The following ALPL variants were observed in gnomAD, a reference collection of about 807,000 sequenced individuals.
ALPL encodes alkaline phosphatase, biomineralization associated.
A neutral mutation model predicts 51.3 loss-of-function variants in ALPL; 42 were observed. That is an observed-to-expected ratio of 0.82 (90% CI 0.64 to 1.06). The LOEUF is 1.06. ALPL is among the 50% of genes least tolerant of loss of function. The pLI, the probability that ALPL is intolerant of heterozygous loss-of-function variation, is 0.00. For missense variants in ALPL, 589 were observed against 709.4 expected, an observed-to-expected ratio of 0.83 and a Z score of 1.93; for synonymous variants, 279 against 296.4, an observed-to-expected ratio of 0.94 and a Z score of 0.60.
At chr1:21,572,429 G>C (rs1171789142) in intron 8 of ALPL, among the ~76,000 whole-genome samples, 1 of 152,122 alleles carries the variant, frequency 6.6e-6, no homozygotes, top group Non-Finnish European at 1.5e-5. Context: ...AGATCCAAGA[G>C]TATATAAACA....
intron 6 of ALPL, among the ~76,000 whole-genome samples, chr1:21,566,084 T>C (rs868092015): frequency 8.6e-5 from 13 of 151,962 alleles, no homozygotes; most frequent in African/African-American, 3.1e-4. Context: ...TTCTCCTTCT[T>C]CTCCCAGCCC....
At chr1:21,551,598 C>G (rs1249470649) in intron 1 of ALPL, among the ~76,000 whole-genome samples, 1 of 151,906 alleles carries the variant, frequency 6.6e-6, no homozygotes, top group Non-Finnish European at 1.5e-5. Context: ...TTCTACCACT[C>G]ACAGTTAAGT....
In ALPL at chr1:21,560,563, T is replaced by G. The variant is rs111273276; in HGVS notation, c.62-63T>G. On this transcript the variant is annotated intron_variant, in intron 2 of 11. Transcript: ENST00000374840. ...CTGAGCAATCAGAAGTGGGGGGATC[T>G]GTACGTCTGGAGATAGGAGGCTATC... is the stretch of plus-strand genomic sequence containing the variant. The G allele has an allele frequency of 1.5e-3, 2,381 of 1,598,286 alleles. 38 individuals are homozygous for G. The African/African-American group carries it at 0.028, about 19-fold the overall frequency.
intron 7 of ALPL, among the ~76,000 whole-genome samples, chr1:21,570,069 G>C (rs1007854999): frequency 1.3e-5 from 2 of 152,166 alleles, no homozygotes; most frequent in African/African-American, 4.8e-5. Context: ...CCCTGGTCCT[G>C]TGTCTGGGCT....
chr1:21,524,990 C>G (rs1184152635), intron 1 of ALPL, among the ~76,000 whole-genome samples: 3 of 152,234 alleles, frequency 2.0e-5, no homozygotes, highest in African/African-American at 4.8e-5. Flanking sequence ...GGCCTCACTC[C>G]AGGGCTCTGG....
At chr1:21,537,042 G>A (rs935670649) in intron 1 of ALPL, among the ~76,000 whole-genome samples, 1 of 151,834 alleles carries the variant, frequency 6.6e-6, no homozygotes, top group Non-Finnish European at 1.5e-5. Context: ...GATTATTGGC[G>A]CCCGCCACCA....
chr1:21,518,272 T>C (rs953087753), intron 1 of ALPL, among the ~76,000 whole-genome samples: 2 of 152,056 alleles, frequency 1.3e-5, no homozygotes, highest in African/African-American at 4.8e-5. Flanking sequence ...TCTCCACCCT[T>C]TGTAATAACA....
Position 21,554,811 on chromosome 1 carries a change from GTCTGTCTTTCTTTCTT to G in ALPL, c.61+673_61+688del, listed in dbSNP as rs1308018046. Among the ~76,000 whole-genome samples, 248 of 48,332 alleles carry G rather than the reference GTCTGTCTTTCTTTCTT, an allele frequency of 5.1e-3. 1 individual carries two copies. Among genetic ancestry groups the G allele is most frequent in the African/African-American group, 0.014 (224 of 15,530 alleles). The allele number at this position is 48,332 out of a possible 152,430, so 31.7% of individuals were successfully genotyped here. On this transcript the variant is annotated intron_variant, in intron 2 of 11. Transcript: ENST00000374840. The stretch of plus-strand genomic sequence containing the variant: ...GGCCTGTCTGTCTGTCTGTCTGTCT[GTCTGTCTTTCTTTCTT>G]TCTTTCTTTCTTTCTTTCTTTCTTT...
chr1:21,554,873 C>CTG lies in ALPL; in HGVS notation c.61+732_61+733insGT, dbSNP rs1478489284. ...TCTTTCTTTCTTTCTTTCTTTCTTT[C>CTG]TCTCTTTCTTTCTTTTTCTTTCTTT... is the stretch of plus-strand genomic sequence containing the variant. On this transcript the variant is annotated intron_variant, in intron 2 of 11. Transcript: ENST00000374840. 2.8e-5 allele frequency among the ~76,000 whole-genome samples: 3 copies of CTG among 105,872 alleles called. No homozygotes were observed. The East Asian group carries it at 2.2e-3, about 76-fold the overall frequency. 69.5% of individuals were successfully genotyped at this position (105,872 alleles called of 152,430 possible).
intron 1 of ALPL, among the ~76,000 whole-genome samples, chr1:21,528,077 G>A (rs1341665071): frequency 5.3e-5 from 8 of 151,242 alleles, no homozygotes; most frequent in Non-Finnish European, 8.8e-5. Context: ...CTGGAGTGTA[G>A]TGGCACGATC....
rs121918010 is a variant in ALPL at position 21,573,781 on chromosome 1, T to C, written c.979T>C (p.Phe327Leu). ...IQILRKNPKG[F>L]FLLVEGGRID... is the part of the protein sequence containing the mutation. The stretch of plus-strand genomic sequence containing the variant: ...GATCCTGCGGAAGAACCCCAAAGGC[T>C]TCTTCTTGCTGGTGGAAGGTAGGGA... The change falls in exon 9 of 12, where the codon TTC becomes CTC. Residue 327 changes from phenylalanine to leucine, a missense_variant. By Grantham distance (22) the Phe-to-Leu change is conservative. Transcript: ENST00000374840. The C allele has an allele frequency of 5.0e-5, 80 of 1,613,932 alleles. No individual in the cohort carries two copies. In the East Asian group the frequency reaches 1.7e-3, roughly 35 times the overall value.
rs1486339392 is a variant in ALPL at position 21,554,038 on chromosome 1, T to A, written c.-44T>A. 1.3e-6 allele frequency: 2 copies of A among 1,532,008 alleles called. No homozygotes were observed. Among genetic ancestry groups the A allele is most frequent in the South Asian group, 2.2e-5 (2 of 89,526 alleles). The allele number at this position is 1,532,008 out of a possible 1,614,324, so 94.9% of individuals were successfully genotyped here. A position where few individuals can be genotyped will look rare whatever the true frequency, so the allele number is the denominator to read the frequency against. On this transcript the variant is annotated 5_prime_UTR_variant, in exon 2 of 12. Coordinates refer to ENST00000374840, the MANE Select transcript of ALPL (RefSeq NM_000478.6). ...CCCACCCCCTCCCACCCACGTCGAT[T>A]GCATCTCTGGGCTCCAGGGATAAAG...
intron 10 of ALPL, 106 bp from the exon 11 acceptor site, chr1:21,576,416 A>G (rs1644737753): frequency 6.7e-7 from 1 of 1,483,074 alleles, no homozygotes. Context: ...GGGCCCTTCA[A>G]AGAAGATCCC....
At chr1:21,546,004 C>T (rs768564875) in intron 1 of ALPL, among the ~76,000 whole-genome samples, 2 of 151,838 alleles carry the variant, frequency 1.3e-5, no homozygotes, top group East Asian at 1.9e-4. Flanking sequence ...TTAGTAGACA[C>T]GGGGTTTCAT....
chr1:21,574,527 A>G (rs1358108801), intron 9 of ALPL: 1 of 104,532 alleles, frequency 9.6e-6, no homozygotes, highest in African/African-American at 4.0e-5. Flanking sequence ...TAACATCGGT[A>G]TGTATACACA....
chr1:21,575,827 C>T lies in ALPL; in HGVS notation c.1092C>T (p.Ser364=), dbSNP rs1644721221. The change falls in exon 10 of 12, where the codon AGC becomes AGT. Residue 364 remains serine, a synonymous_variant. Coordinates refer to ENST00000374840, the MANE Select transcript of ALPL (RefSeq NM_000478.6). ...EMDRAIGQAG[S]LTSSEDTLTV... ...ACCGGGCCATCGGGCAGGCAGGCAG[C>T]TTGACCTCCTCGGAAGACACTCTGA... The T allele has an allele frequency of 1.2e-6, 2 of 1,614,240 alleles. No homozygotes were observed. The highest frequency in any genetic ancestry group is 4.5e-5 in the East Asian group (2 of 44,888).
chr1:21,572,988 G>C (rs1377826638), intron 8 of ALPL, among the ~76,000 whole-genome samples: 1 of 152,208 alleles, frequency 6.6e-6, no homozygotes, highest in Non-Finnish European at 1.5e-5. Flanking sequence ...AGCCCTGCAG[G>C]CTGGAGGCAG....
At chr1:21,522,179 C>T (rs1643889272) in intron 1 of ALPL, among the ~76,000 whole-genome samples, 1 of 151,404 alleles carries the variant, frequency 6.6e-6, no homozygotes, top group African/African-American at 2.4e-5. Flanking sequence ...TCACGCCATT[C>T]TCCTGCCTCA....
At chr1:21,571,835 T>C (rs1644654614) in intron 8 of ALPL, among the ~76,000 whole-genome samples, 1 of 150,484 alleles carries the variant, frequency 6.6e-6, no homozygotes, top group South Asian at 2.1e-4. Context: ...ACAAAAATTT[T>C]TTAAAAACTG....
Sources: allele counts gnomAD v4.1 joint callset (sites outside exome capture counted in the v4.1 genomes callset), GRCh38; gene constraint gnomAD v4.1.1; transcripts MANE v1.5; gene names NCBI Gene and HGNC (gene_info 2026-07-23, HGNC 2026-07-21).